Variants in TSHZ2 observed in about 807,000 individuals in gnomAD.
The protein encoded by TSHZ2 is teashirt homolog 2.
TSHZ2 carries 21 observed loss-of-function variants against 74.4 expected under a neutral mutation model. That is an observed-to-expected ratio of 0.28 (90% CI 0.20 to 0.41). The LOEUF is 0.41. Ranked by LOEUF, TSHZ2 falls within the 10% of genes least tolerant of loss-of-function variation. The pLI, the probability that TSHZ2 is intolerant of heterozygous loss-of-function variation, is 1.00. For missense variants in TSHZ2, 1,244 were observed against 1,293.5 expected (o/e 0.96, Z 0.59); for synonymous variants, 540 against 515.3 (o/e 1.05, Z -0.65).
rs530672256 is a variant in TSHZ2 at position 53,023,848 on chromosome 20, C to T, written c.40+50515C>T. Among the ~76,000 whole-genome samples the T allele has an allele frequency of 5.9e-5, 9 of 152,244 alleles. No individual in the cohort carries two copies. The South Asian group carries it at 1.0e-3, about 18-fold the overall frequency. ...TAAACAAGCAAATTGTCCACTGAAACGCAGCACACCAGTGAGCAATCTTTG... is the reference window on the plus strand; with the variant it reads ...TAAACAAGCAAATTGTCCACTGAAATGCAGCACACCAGTGAGCAATCTTTG... On this transcript the variant is annotated intron_variant, in intron 1 of 2. Transcript: ENST00000371497.
intron 1 of TSHZ2, among the ~76,000 whole-genome samples, chr20:53,229,906 A>T (rs111612974): frequency 6.2e-5 from 1 of 16,064 alleles, no homozygotes; most frequent in South Asian, 1.1e-3. Flanking sequence ...GAGGGAGGGG[A>T]AAAAAAGAGA....
rs748908265 is a variant in TSHZ2 at position 53,253,908 on chromosome 20, T to C, written c.450T>C (p.Ser150=). 8.1e-6 allele frequency: 13 copies of C among 1,613,900 alleles called. No individual in the cohort carries two copies. In the East Asian group the frequency reaches 1.1e-4, roughly 14 times the overall value. ...GCCTTGGCTTCAAGCTGTCCAATAG[T>C]GAGAGGAGGAACTGTGACACCCGAA... ...GLGLGFKLSN[S]ERRNCDTRNG... The change falls in exon 2 of 3, where the codon AGT becomes AGC. Residue 150 remains serine, a synonymous_variant. Coordinates refer to ENST00000371497, the MANE Select transcript of TSHZ2 (RefSeq NM_173485.6).
At chr20:53,190,138 T>TATATATATATATATA (rs1568803559) in intron 1 of TSHZ2, among the ~76,000 whole-genome samples, 133 of 101,648 alleles carry the variant, frequency 1.3e-3, no homozygotes, top group Non-Finnish European at 1.9e-3. Flanking sequence ...TATATATATA[T>TATATATATATATATA]TTTCTTAAAT....
chr20:53,043,716 T>G (rs1285163531), intron 1 of TSHZ2, among the ~76,000 whole-genome samples: 1 of 152,124 alleles, frequency 6.6e-6, no homozygotes, highest in Non-Finnish European at 1.5e-5. Context: ...AATATAGGAT[T>G]TGTATATATT....
chr20:52,991,540 A>ATGT (rs1981992331), intron 1 of TSHZ2, among the ~76,000 whole-genome samples: 1 of 146,542 alleles, frequency 6.8e-6, no homozygotes, highest in Non-Finnish European at 1.5e-5. Context: ...TGGATTATGT[A>ATGT]TGTTGTGGGT....
intron 2 of TSHZ2, among the ~76,000 whole-genome samples, chr20:53,460,227 C>G (rs879542717): frequency 5.3e-5 from 8 of 151,852 alleles, no homozygotes; most frequent in South Asian, 4.2e-4. Context: ...TTCGCATAGT[C>G]CCATATTTCT....
intron 1 of TSHZ2, among the ~76,000 whole-genome samples, chr20:53,034,700 G>T (rs1226735845): frequency 6.6e-6 from 1 of 152,250 alleles, no homozygotes; most frequent in African/African-American, 2.4e-5. Flanking sequence ...AGGGCTTCCA[G>T]GTTGAGGGAA....
intron 1 of TSHZ2, among the ~76,000 whole-genome samples, chr20:53,101,057 C>T (rs1029066981): frequency 2.6e-5 from 4 of 152,118 alleles, no homozygotes; most frequent in Admixed American, 2.6e-4. Flanking sequence ...TGTTTAATCT[C>T]CTATTATTTT....
At chr20:53,304,692 C>T (rs926386746) in intron 2 of TSHZ2, among the ~76,000 whole-genome samples, 6 of 152,128 alleles carry the variant, frequency 3.9e-5, no homozygotes, top group Non-Finnish European at 7.4e-5. Context: ...AATGCAGTGG[C>T]GCAATCTTGG....
Position 53,494,794 on chromosome 20 carries a change from T to C in TSHZ2, c.*7659T>C, listed in dbSNP as rs923262481. The C allele has an allele frequency of 2.0e-5, 3 of 152,074 alleles. No homozygotes were observed. The highest frequency in any genetic ancestry group is 2.1e-4 in the South Asian group (1 of 4,818). The allele number at this position is 152,074 out of a possible 1,614,324, so 9.4% of individuals were successfully genotyped here. A position where few individuals can be genotyped will look rare whatever the true frequency, so the allele number is the denominator to read the frequency against. ...CATCAAAAAGGTTTCTATAAGTATA[T>C]TATTTACATTTTTATACATGATAAC... On this transcript the variant is annotated 3_prime_UTR_variant, in exon 3 of 3. Coordinates refer to ENST00000371497, the MANE Select transcript of TSHZ2 (RefSeq NM_173485.6).
chr20:53,086,342 C>T (rs532409363), intron 1 of TSHZ2, among the ~76,000 whole-genome samples: 3 of 152,046 alleles, frequency 2.0e-5, no homozygotes, highest in East Asian at 3.9e-4. Flanking sequence ...CTTTCCTTCT[C>T]TCAAGATCGC....
chr20:53,335,569 G>A (rs1979911930), intron 2 of TSHZ2, among the ~76,000 whole-genome samples: 1 of 152,186 alleles, frequency 6.6e-6, no homozygotes, highest in Admixed American at 6.5e-5. Context: ...AAATTGCCTT[G>A]GGTCATTTCC....
chr20:53,050,101 G>GTATATATATATATATATATATA (rs1213487235), intron 1 of TSHZ2, among the ~76,000 whole-genome samples: 1 of 60,496 alleles, frequency 1.7e-5, no homozygotes, highest in African/African-American at 1.5e-4. Context: ...ATGTATATGT[G>GTATATATATATATATATATATA]TGTATATATA....
intron 2 of TSHZ2, among the ~76,000 whole-genome samples, chr20:53,481,099 C>G (rs1287731908): frequency 6.6e-6 from 1 of 152,012 alleles, no homozygotes; most frequent in Non-Finnish European, 1.5e-5. Context: ...AGGCAACTAA[C>G]AGTATCCACT....
At chr20:53,024,262 G>A (rs767752887) in intron 1 of TSHZ2, among the ~76,000 whole-genome samples, 6 of 151,854 alleles carry the variant, frequency 4.0e-5, no homozygotes, top group Non-Finnish European at 5.9e-5. Context: ...AAAACTTGAC[G>A]TTTTCAGGGG....
intron 2 of TSHZ2, among the ~76,000 whole-genome samples, chr20:53,410,795 C>G (rs1257880222): frequency 1.3e-5 from 2 of 151,510 alleles, no homozygotes; most frequent in African/African-American, 4.9e-5. Flanking sequence ...CCTGCCTCAG[C>G]CTTTTGAGTA....
At chr20:53,193,188 G>GA (rs11476414) in intron 1 of TSHZ2, among the ~76,000 whole-genome samples, 1 of 144,886 alleles carries the variant, frequency 6.9e-6, no homozygotes, top group Non-Finnish European at 1.5e-5. Context: ...AAAGAAAAAA[G>GA]AAAAAAAAAA....
chr20:53,398,306 A>C (rs377660254), intron 2 of TSHZ2: 32 of 152,212 alleles, frequency 2.1e-4, no homozygotes, highest in African/African-American at 7.7e-4. Flanking sequence ...TGGACATGAG[A>C]AATGTGCACT....
At position 52,973,077 on chromosome 20, in the gene TSHZ2, C is replaced by T. The variant is rs1019471405; in HGVS notation, c.-217C>T. 3.8e-6 allele frequency: 2 copies of T among 520,606 alleles called. No homozygotes were observed. The highest frequency in any genetic ancestry group is 3.7e-5 in the Admixed American group (1 of 27,156). 32.2% of individuals were successfully genotyped at this position (520,606 alleles called of 1,614,324 possible). ...GAACCAACCTCTACTTCAAAGCAGC[C>T]GGCACAAGCCACCCGTGTCTGCCAC... is the stretch of plus-strand genomic sequence containing the variant. On this transcript the variant is annotated 5_prime_UTR_variant, in exon 1 of 3. Coordinates refer to ENST00000371497, the MANE Select transcript of TSHZ2 (RefSeq NM_173485.6).
Sources: gnomAD v4.1 joint callset for allele counts (sites outside exome capture counted in the v4.1 genomes callset) on GRCh38, gnomAD v4.1.1 for gene constraint, MANE v1.5 for transcripts, NCBI Gene and HGNC (gene_info 2026-07-23, HGNC 2026-07-21) for gene names.